The following TMEM132D variants were observed in gnomAD, a reference collection of about 807,000 sequenced individuals.
TMEM132D encodes the protein transmembrane protein 132D.
In TMEM132D, 21 loss-of-function variants were observed where a neutral mutation model predicts 62.3. The observed-to-expected ratio is 0.34, with a 90% CI of 0.24 to 0.49. TMEM132D has a LOEUF of 0.49. TMEM132D is among the 20% of genes least tolerant of loss of function. TMEM132D has a pLI of 0.99. For missense variants in TMEM132D, 1,346 were observed against 1,402.8 expected (o/e 0.96, Z 0.65); for synonymous variants, 621 against 575.6 (o/e 1.08, Z -1.13).
intron 5 of TMEM132D, chr12:129,085,718 G>A (rs899339580): frequency 6.6e-6 from 1 of 152,252 alleles, no homozygotes; most frequent in Non-Finnish European, 1.5e-5. Context: ...CTACCAGGAA[G>A]GGCAGAGCCA....
chr12:129,274,818 C>T (rs907626097), intron 4 of TMEM132D, among the ~76,000 whole-genome samples: 4 of 152,138 alleles, frequency 2.6e-5, no homozygotes, highest in Admixed American at 6.5e-5. Context: ...ACCCGGGAGG[C>T]GGAGCTTGCA....
At chr12:129,334,122 C>CA in intron 4 of TMEM132D, among the ~76,000 whole-genome samples, 1 of 152,052 alleles carries the variant, frequency 6.6e-6, no homozygotes, top group South Asian at 2.1e-4. Context: ...CTCTGTCTCA[C>CA]AAAAACAGAA....
At chr12:129,900,575 G>A (rs1875319715) in intron 1 of TMEM132D, among the ~76,000 whole-genome samples, 1 of 152,198 alleles carries the variant, frequency 6.6e-6, no homozygotes, top group South Asian at 2.1e-4. Context: ...CGTGAGGACT[G>A]TAACAAGCAA....
In TMEM132D at chr12:129,073,626, TG is replaced by T; in HGVS notation, c.*248del. On this transcript the variant is annotated 3_prime_UTR_variant, in exon 9 of 9. Transcript: ENST00000422113. ...CGCTCAGTGATTCAGAACTCGTTTT[TG>T]TTTCAAGTCTTAAAAATCTTGCCAT... The T allele has an allele frequency of 2.5e-6, 1 of 399,284 alleles. No individual in the cohort carries two copies. The allele number at this position is 399,284 out of a possible 1,614,324, so 24.7% of individuals were successfully genotyped here. A position where few individuals can be genotyped will look rare whatever the true frequency, so the allele number is the denominator to read the frequency against.
intron 4 of TMEM132D, among the ~76,000 whole-genome samples, chr12:129,327,836 A>G: frequency 6.6e-6 from 1 of 152,214 alleles, no homozygotes; most frequent in South Asian, 2.1e-4. Flanking sequence ...AAAATAAATC[A>G]TGATCATATC....
chr12:129,810,279 T>A lies in TMEM132D; in HGVS notation c.79+92982A>T, dbSNP rs145352114. ...GATTAAAAAAATCATTATTTTCAGA[T>A]GAAATGATTGTCCATATATTTTTTT... On this transcript the variant is annotated intron_variant, in intron 1 of 8. Coordinates refer to ENST00000422113, the MANE Select transcript of TMEM132D (RefSeq NM_133448.3). Among the ~76,000 whole-genome samples the A allele has an allele frequency of 3.9e-3, 588 of 152,226 alleles. 6 individuals are homozygous for A. The highest frequency in any genetic ancestry group is 0.014 in the African/African-American group (568 of 41,534).
At chr12:129,330,312 T>C (rs1314602698) in intron 4 of TMEM132D, among the ~76,000 whole-genome samples, 1 of 152,172 alleles carries the variant, frequency 6.6e-6, no homozygotes, top group Non-Finnish European at 1.5e-5. Flanking sequence ...AGGGGTTTAC[T>C]GGAGTCTAGC....
intron 1 of TMEM132D, among the ~76,000 whole-genome samples, chr12:129,768,660 T>C (rs776714598): frequency 2.6e-5 from 4 of 152,022 alleles, no homozygotes; most frequent in African/African-American, 4.8e-5. Context: ...GAAATTAACA[T>C]GAAAGATGGT....
At chr12:129,463,989 C>T (rs77974111) in intron 3 of TMEM132D, among the ~76,000 whole-genome samples, 19,446 of 149,762 alleles carry the variant, frequency 0.13, 1,558 homozygotes, top group Middle Eastern at 0.22. Flanking sequence ...GGTATACACC[C>T]AGTAATGGGA....
chr12:129,676,185 C>CA (rs903235391), intron 2 of TMEM132D, among the ~76,000 whole-genome samples: 1 of 152,042 alleles, frequency 6.6e-6, no homozygotes, highest in African/African-American at 2.4e-5. Flanking sequence ...TAAGCTCTAG[C>CA]AAAAAATAAA....
chr12:129,514,093 C>A (rs866178747), intron 3 of TMEM132D, among the ~76,000 whole-genome samples: 1 of 151,774 alleles, frequency 6.6e-6, no homozygotes, highest in Non-Finnish European at 1.5e-5. Context: ...CCCGCCTCGG[C>A]CTCCCAAAGT....
chr12:129,560,498 G>C (rs570648329), intron 2 of TMEM132D, among the ~76,000 whole-genome samples: 1 of 151,948 alleles, frequency 6.6e-6, no homozygotes, highest in African/African-American at 2.4e-5. Context: ...TTGAACTCCT[G>C]ACCTCAAATG....
chr12:129,703,281 G>T (rs962974245), intron 1 of TMEM132D, among the ~76,000 whole-genome samples: 2 of 152,170 alleles, frequency 1.3e-5, no homozygotes, highest in Non-Finnish European at 1.5e-5. Flanking sequence ...ATGACATCGG[G>T]TCCTATGATT....
intron 5 of TMEM132D, among the ~76,000 whole-genome samples, chr12:129,129,563 C>T (rs575647832): frequency 3.3e-5 from 5 of 152,302 alleles, no homozygotes; most frequent in East Asian, 1.9e-4. Flanking sequence ...GAGAAATCTC[C>T]ATACTGTTTT....
chr12:129,086,199 C>CATGTGT lies in TMEM132D; in HGVS notation c.1444-1498_1444-1497insACACAT, dbSNP rs1555228440. ...CCATCACCTCACATAGTCACGCGCG[C>CATGTGT]GCGTGTGTGTGTGTGTGTGTGTGTG... On this transcript the variant is annotated intron_variant, in intron 5 of 8. Coordinates refer to ENST00000422113, the MANE Select transcript of TMEM132D (RefSeq NM_133448.3). Among the ~76,000 whole-genome samples the CATGTGT allele has an allele frequency of 1.5e-4, 17 of 116,182 alleles. No homozygotes were observed. In the South Asian group the frequency reaches 4.7e-3, roughly 32 times the overall value. The allele number at this position is 116,182 out of a possible 152,430, so 76.2% of individuals were successfully genotyped here.
At chr12:129,540,232 G>T (rs559499443) in intron 2 of TMEM132D, among the ~76,000 whole-genome samples, 1 of 152,248 alleles carries the variant, frequency 6.6e-6, no homozygotes, top group African/African-American at 2.4e-5. Context: ...ATTCCTACAG[G>T]TGCTAGCTAG....
chr12:129,290,115 C>A (rs1420183972), intron 4 of TMEM132D, among the ~76,000 whole-genome samples: 1 of 152,198 alleles, frequency 6.6e-6, no homozygotes, highest in Non-Finnish European at 1.5e-5. Context: ...TAAAGGACCT[C>A]TGAGAACTCT....
intron 3 of TMEM132D, among the ~76,000 whole-genome samples, chr12:129,463,144 G>A (rs1873738290): frequency 6.6e-6 from 1 of 152,184 alleles, no homozygotes. Context: ...GTGCTGTCCA[G>A]AATCAAACTC....
At chr12:129,789,185 C>A (rs1451693989) in intron 1 of TMEM132D, among the ~76,000 whole-genome samples, 1 of 152,062 alleles carries the variant, frequency 6.6e-6, no homozygotes, top group African/African-American at 2.4e-5. Flanking sequence ...TTCACTCTAC[C>A]CAACGTGTAG....
Sources: gnomAD v4.1 joint callset for allele counts (sites outside exome capture counted in the v4.1 genomes callset) on GRCh38, gnomAD v4.1.1 for gene constraint, MANE v1.5 for transcripts, NCBI Gene and HGNC (gene_info 2026-07-23, HGNC 2026-07-21) for gene names.